The following RNGTT variants were observed in gnomAD, a reference collection of about 807,000 sequenced individuals.
RNGTT encodes mRNA-capping enzyme.
Under a neutral mutation model 79.3 loss-of-function variants are expected in RNGTT, and 33 were observed. That is an observed-to-expected ratio of 0.42 (90% CI 0.32 to 0.56). The LOEUF (loss-of-function observed/expected upper bound fraction) is 0.56, where lower values mean the gene tolerates loss of function less well. RNGTT is among the 20% of genes least tolerant of loss of function. The probability of loss-of-function intolerance (pLI) is 0.17; values close to 1 mark genes in which losing one functional copy is unlikely to be tolerated. For synonymous variants in RNGTT, 222 were observed against 235.9 expected (o/e 0.94, Z 0.54); for missense variants, 497 against 739.1 (o/e 0.67, Z 3.80).
At chr6:88,878,336 A>T (rs1782586654) in intron 8 of RNGTT, among the ~76,000 whole-genome samples, 1 of 152,076 alleles carries the variant, frequency 6.6e-6, no homozygotes, top group Non-Finnish European at 1.5e-5. Context: ...ACCTGAAGTG[A>T]TCCACCCACC....
At position 88,707,851 on chromosome 6, in the gene RNGTT, C is replaced by G. The variant is rs547934355; in HGVS notation, c.1440-29432G>C. Among the ~76,000 whole-genome samples the G allele has an allele frequency of 5.3e-5, 8 of 151,808 alleles. No individual in the cohort carries two copies. In the East Asian group the frequency reaches 1.2e-3, roughly 22 times the overall value. On this transcript the variant is annotated intron_variant, in intron 13 of 15. Transcript: ENST00000369485. ...AATGCTATTACCCAAAGCATTCACA[C>G]GATCTCTAAAGTACAAAAGGCCTTC...
chr6:88,738,782 T>C (rs1211453191), intron 13 of RNGTT, among the ~76,000 whole-genome samples: 1 of 152,046 alleles, frequency 6.6e-6, no homozygotes, highest in African/African-American at 2.4e-5. Context: ...TATTAATATC[T>C]ACTCAATTTT....
intron 2 of RNGTT, among the ~76,000 whole-genome samples, chr6:88,937,015 C>T (rs1472918785): frequency 6.6e-6 from 1 of 152,118 alleles, no homozygotes; most frequent in African/African-American, 2.4e-5. Flanking sequence ...TCCACCTCTG[C>T]CAGGTTTTCC....
chr6:88,776,248 TATCTC>T (rs1778874760), intron 12 of RNGTT, among the ~76,000 whole-genome samples: 1 of 152,098 alleles, frequency 6.6e-6, no homozygotes, highest in Non-Finnish European at 1.5e-5. Context: ...CATGAGGTAA[TATCTC>T]AATGACGTTT....
intron 14 of RNGTT, among the ~76,000 whole-genome samples, chr6:88,638,754 C>T (rs1020545214): frequency 1.3e-5 from 2 of 152,256 alleles, no homozygotes; most frequent in East Asian, 3.9e-4. Flanking sequence ...TAACTCTGAT[C>T]TCTTACCAGT....
At position 88,612,210 on chromosome 6, in the gene RNGTT, G is replaced by GT. The variant is rs1452867848; in HGVS notation, c.*508dup. 5 of 153,054 alleles carry GT rather than the reference G, an allele frequency of 3.3e-5. No homozygotes were observed. Among genetic ancestry groups the GT allele is most frequent in the African/African-American group, 1.2e-4 (5 of 41,566 alleles). The allele number at this position is 153,054 out of a possible 1,614,324, so 9.5% of individuals were successfully genotyped here. On this transcript the variant is annotated 3_prime_UTR_variant, in exon 16 of 16. Transcript: ENST00000369485. ...GTACAACTTAACAACCCTGTCATTT[G>GT]TTTTTGAATACAGGGATCTCAGAAA...
At chr6:88,651,508 A>G (rs943009576) in intron 14 of RNGTT, among the ~76,000 whole-genome samples, 5 of 152,084 alleles carry the variant, frequency 3.3e-5, no homozygotes, top group African/African-American at 1.2e-4. Flanking sequence ...AAAAGCACTA[A>G]CTTTAAAAGT....
intron 1 of RNGTT, among the ~76,000 whole-genome samples, chr6:88,954,463 T>C (rs553967174): frequency 6.6e-6 from 1 of 152,172 alleles, no homozygotes; most frequent in South Asian, 2.1e-4. Flanking sequence ...CACCTAACCC[T>C]GGAGCTCCAA....
intron 13 of RNGTT, among the ~76,000 whole-genome samples, 198 bp from the exon 14 acceptor site, chr6:88,678,617 A>T (rs1562189558): frequency 6.6e-6 from 1 of 152,138 alleles, no homozygotes; most frequent in Non-Finnish European, 1.5e-5. Context: ...AAATAATTTT[A>T]TATTTCAGAA....
chr6:88,633,540 G>A (rs975809304), intron 14 of RNGTT, among the ~76,000 whole-genome samples: 1 of 152,094 alleles, frequency 6.6e-6, no homozygotes, highest in African/African-American at 2.4e-5. Flanking sequence ...ATGGTATGTT[G>A]AATGCGCTTT....
At chr6:88,831,817 C>T (rs762131131) in intron 11 of RNGTT, among the ~76,000 whole-genome samples, 5 of 152,192 alleles carry the variant, frequency 3.3e-5, no homozygotes, top group East Asian at 1.9e-4. Flanking sequence ...AGAGCCAAGT[C>T]ATGAGTGAAT....
intron 14 of RNGTT, among the ~76,000 whole-genome samples, chr6:88,651,358 G>A (rs928377008): frequency 2.6e-5 from 4 of 152,080 alleles, no homozygotes; most frequent in South Asian, 2.1e-4. Flanking sequence ...GCAACATAAT[G>A]TAACTATGTT....
At chr6:88,880,378 T>C (rs879260801) in intron 8 of RNGTT, among the ~76,000 whole-genome samples, 39 of 152,230 alleles carry the variant, frequency 2.6e-4, no homozygotes, top group Admixed American at 1.1e-3. Context: ...TTTCCATAAA[T>C]GCCTAAGTGG....
At chr6:88,745,083 T>C (rs904013582) in intron 13 of RNGTT, among the ~76,000 whole-genome samples, 6 of 152,128 alleles carry the variant, frequency 3.9e-5, no homozygotes, top group African/African-American at 1.2e-4. Context: ...CTACAACTAG[T>C]AGGAGAAAGT....
rs1018104365 is a variant in RNGTT, at chr6:88,756,145, T to A, written c.1439+13629A>T. Among the ~76,000 whole-genome samples the A allele has an allele frequency of 3.3e-5, 5 of 151,796 alleles. No homozygotes were observed. The South Asian group carries it at 1.0e-3, about 32-fold the overall frequency. On this transcript the variant is annotated intron_variant, in intron 13 of 15. Transcript: ENST00000369485. ...AGGAAAATGCAACTAATACCAATTA[T>A]CACACAGAAACAATTTTTTAAAAAG...
At position 88,877,658 on chromosome 6, in the gene RNGTT, G is replaced by T. The variant is rs1782559498; in HGVS notation, c.896+12837C>A. 2.6e-5 allele frequency among the ~76,000 whole-genome samples: 4 copies of T among 152,150 alleles called. No individual in the cohort carries two copies. In the South Asian group the frequency reaches 8.3e-4, roughly 31 times the overall value. On this transcript the variant is annotated intron_variant, in intron 8 of 15. Coordinates refer to ENST00000369485, the MANE Select transcript of RNGTT (RefSeq NM_003800.5). ...ACTGCTTTTATCTGTTTCATATAGG[G>T]GGACTTAAAGAAAGATTTAGGCTTG...
chr6:88,720,116 A>T (rs1351326026), intron 13 of RNGTT, among the ~76,000 whole-genome samples: 2 of 152,208 alleles, frequency 1.3e-5, no homozygotes, highest in African/African-American at 4.8e-5. Flanking sequence ...TCACTTACAA[A>T]GCATTCATTC....
At chr6:88,722,417 T>G (rs1176269285) in intron 13 of RNGTT, among the ~76,000 whole-genome samples, 3 of 152,120 alleles carry the variant, frequency 2.0e-5, no homozygotes, top group African/African-American at 7.2e-5. Flanking sequence ...CATCAGAGAA[T>G]TCAGATCACA....
intron 1 of RNGTT, among the ~76,000 whole-genome samples, chr6:88,950,861 GTTT>G (rs56393697): frequency 2.1e-5 from 3 of 142,836 alleles, no homozygotes; most frequent in Non-Finnish European, 3.1e-5. Flanking sequence ...ACTGTTTTTG[GTTT>G]TTTTTTTTTT....
Sources: allele counts gnomAD v4.1 joint callset (sites outside exome capture counted in the v4.1 genomes callset), GRCh38; gene constraint gnomAD v4.1.1; transcripts MANE v1.5; gene names NCBI Gene and HGNC (gene_info 2026-07-23, HGNC 2026-07-21).